Variants in GSE1 observed in about 807,000 individuals in gnomAD.
GSE1 encodes genetic suppressor element 1.
GSE1 carries 32 observed loss-of-function variants against 112.6 expected under a neutral mutation model. The ratio of observed to expected loss-of-function variants is 0.28; its 90% CI spans 0.21 to 0.38. The LOEUF (loss-of-function observed/expected upper bound fraction) is 0.38. Ranked by LOEUF, GSE1 falls within the 10% of genes least tolerant of loss-of-function variation. The pLI, the probability that GSE1 is intolerant of heterozygous loss-of-function variation, is 1.00. For synonymous variants in GSE1, 1,115 were observed against 735.6 expected (o/e 1.52, Z -8.35); for missense variants, 2,348 against 1,699.2 (o/e 1.38, Z -6.71).
At position 85,179,072 on chromosome 16, in the gene GSE1, C is replaced by T. The variant is rs72814241; in HGVS notation, c.2283+7265C>T. On this transcript the variant is annotated intron_variant, in intron 1 of 2. Transcript: ENST00000637419. ...AGTTCAGTGGGTTTCAGTGCAGTCA[C>T]GAAGTTGTGCACCACCATGACTGTC... Among the ~76,000 whole-genome samples, 874 of 152,154 alleles carry T rather than the reference C, an allele frequency of 5.7e-3. 8 individuals carry two copies. Among genetic ancestry groups the T allele is most frequent in the Admixed American group, 0.011 (172 of 15,278 alleles).
At chr16:85,636,929 C>T (rs1178765302) in intron 2 of GSE1, among the ~76,000 whole-genome samples, 1 of 152,188 alleles carries the variant, frequency 6.6e-6, no homozygotes, top group African/African-American at 2.4e-5. Flanking sequence ...GTGCTACCCC[C>T]CCAGCTCCCT....
chr16:85,442,529 G>A (rs1201485924), intron 2 of GSE1, among the ~76,000 whole-genome samples: 1 of 152,256 alleles, frequency 6.6e-6, no homozygotes, highest in Admixed American at 6.5e-5. Flanking sequence ...GGGAAGCACA[G>A]GAGGTAAACT....
At chr16:85,395,659 C>T (rs2047947840) in intron 2 of GSE1, among the ~76,000 whole-genome samples, 4 of 152,210 alleles carry the variant, frequency 2.6e-5, no homozygotes. Flanking sequence ...AAGCCCTTTG[C>T]ATCTTTTGAC....
chr16:85,507,574 A>G (rs1162883397), intron 2 of GSE1, among the ~76,000 whole-genome samples: 1 of 152,102 alleles, frequency 6.6e-6, no homozygotes, highest in East Asian at 1.9e-4. Context: ...CCTGAAGTCA[A>G]GGTGTGAGCA....
chr16:85,461,031 T>G (rs2049953998), intron 2 of GSE1, among the ~76,000 whole-genome samples: 1 of 151,328 alleles, frequency 6.6e-6, no homozygotes, highest in Non-Finnish European at 1.5e-5. Context: ...AGCTCTGGAG[T>G]GGGAAGGGAG....
chr16:85,515,488 G>T (rs1179298667), intron 2 of GSE1, among the ~76,000 whole-genome samples: 1 of 152,230 alleles, frequency 6.6e-6, no homozygotes, highest in Non-Finnish European at 1.5e-5. Flanking sequence ...CAGCGGGTGG[G>T]CGGAGGGACG....
rs1041679857 is a variant in GSE1 at position 85,192,667 on chromosome 16, T to C, written c.2283+20860T>C. ...TCCGGAGCCTAAGCTCGTCGGGCAC[T>C]GGGGAGCCTGGAGGCCTCCTGGCCT... On this transcript the variant is annotated intron_variant, in intron 1 of 2. Transcript: ENST00000637419. Among the ~76,000 whole-genome samples the C allele has an allele frequency of 3.9e-5, 6 of 152,148 alleles. No homozygotes were observed. In the East Asian group the frequency reaches 1.2e-3, roughly 29 times the overall value.
At chr16:85,658,686 G>GC (rs2052176929) in intron 8 of GSE1, among the ~76,000 whole-genome samples, 3 of 152,190 alleles carry the variant, frequency 2.0e-5, no homozygotes. Context: ...GCCTCTCCCA[G>GC]CCCCCGTCCC....
chr16:85,409,236 C>G (rs2048417073), intron 2 of GSE1, among the ~76,000 whole-genome samples: 1 of 42,554 alleles, frequency 2.3e-5, no homozygotes, highest in Non-Finnish European at 4.5e-5. Flanking sequence ...CACTGTTACT[C>G]TCAGGCCCCC....
At chr16:85,634,192 G>C (rs1033904347) in intron 2 of GSE1, 60 bp downstream of exon 2, 1 of 1,188,362 alleles carries the variant, frequency 8.4e-7, no homozygotes, top group Admixed American at 3.7e-5. Context: ...CCGGGACTCA[G>C]CCTCCCGCCT....
At chr16:85,671,272 C>T (rs181320038) in intron 15 of GSE1, among the ~76,000 whole-genome samples, 174 bp downstream of exon 15, 1 of 151,668 alleles carries the variant, frequency 6.6e-6, no homozygotes, top group Admixed American at 6.6e-5. Context: ...AACCCTGTCT[C>T]TACTAAAAAT....
At chr16:85,636,068 C>T (rs1280051292) in intron 2 of GSE1, among the ~76,000 whole-genome samples, 1 of 152,256 alleles carries the variant, frequency 6.6e-6, no homozygotes, top group Non-Finnish European at 1.5e-5. Flanking sequence ...GAACAAAGTG[C>T]CGCTGGGCGC....
intron 1 of GSE1, among the ~76,000 whole-genome samples, chr16:85,281,446 G>A (rs1034538786): frequency 2.0e-5 from 3 of 152,128 alleles, no homozygotes; most frequent in East Asian, 3.9e-4. Context: ...CCCTCTGTAG[G>A]TGGCTAAACC....
intron 1 of GSE1, among the ~76,000 whole-genome samples, chr16:85,214,742 C>T (rs60716028): frequency 0.046 from 6,997 of 152,224 alleles, 542 homozygotes; most frequent in African/African-American, 0.16. Context: ...ACTAGAGCCT[C>T]CTCTGCATGG....
chr16:85,432,200 C>G (rs1157528055), intron 2 of GSE1, among the ~76,000 whole-genome samples: 1 of 152,248 alleles, frequency 6.6e-6, no homozygotes, highest in Non-Finnish European at 1.5e-5. Flanking sequence ...AATGGATTGC[C>G]GTGCTTCCAG....
chr16:85,503,402 C>G (rs1286365385), intron 2 of GSE1, among the ~76,000 whole-genome samples: 1 of 152,192 alleles, frequency 6.6e-6, no homozygotes, highest in South Asian at 2.1e-4. Flanking sequence ...CCTCCTCCTC[C>G]TCACAAATCA....
At chr16:85,279,201 T>TGA (rs776244659) in intron 1 of GSE1, among the ~76,000 whole-genome samples, 2 of 152,194 alleles carry the variant, frequency 1.3e-5, no homozygotes, top group Non-Finnish European at 1.5e-5. Context: ...GGGAGGAGGA[T>TGA]GCTTCAGGCC....
At chr16:85,340,121 T>A (rs925520948) in intron 1 of GSE1, among the ~76,000 whole-genome samples, 2 of 152,178 alleles carry the variant, frequency 1.3e-5, no homozygotes, top group African/African-American at 4.8e-5. Flanking sequence ...TTAAGAATCA[T>A]CATGCAAGGC....
chr16:85,229,957 G>T (rs1181664412), intron 1 of GSE1, among the ~76,000 whole-genome samples: 1 of 152,194 alleles, frequency 6.6e-6, no homozygotes, highest in Admixed American at 6.5e-5. Context: ...TGCAAACCTA[G>T]GTCCAGTTGT....
Sources: gnomAD v4.1 joint callset for allele counts (sites outside exome capture counted in the v4.1 genomes callset) on GRCh38, gnomAD v4.1.1 for gene constraint, MANE v1.5 for transcripts, NCBI Gene and HGNC (gene_info 2026-07-23, HGNC 2026-07-21) for gene names.